ADIPOQ: variants seen among roughly 807,000 people sequenced by gnomAD.
The protein encoded by ADIPOQ is adiponectin, C1Q and collagen domain containing.
A neutral mutation model predicts 16.1 loss-of-function variants in ADIPOQ; 19 were observed. The observed-to-expected ratio is 1.18, with a 90% confidence interval of 0.82 to 1.73. The LOEUF (loss-of-function observed/expected upper bound fraction) is 1.73. Ranked by LOEUF, ADIPOQ falls within the 40% of genes most tolerant of loss-of-function variation. The pLI, the probability that ADIPOQ is intolerant of heterozygous loss-of-function variation, is 0.00. For synonymous variants in ADIPOQ, 124 were observed against 125.5 expected, an observed-to-expected ratio of 0.99 and a Z score of 0.08; for missense variants, 323 against 308.3, an observed-to-expected ratio of 1.05 and a Z score of -0.36.
At chr3:186,852,908 G>A in intron 1 of ADIPOQ, 143 bp from the exon 2 acceptor site, 1 of 786,360 alleles carries the variant, frequency 1.3e-6, no homozygotes. Flanking sequence ...ATTCAGAAAA[G>A]TCTTCCTGGA....
In ADIPOQ at chr3:186,856,078, A is replaced by T. The variant is rs911951514; in HGVS notation, c.*1374A>T. On this transcript the variant is annotated 3_prime_UTR_variant, in exon 3 of 3. Coordinates refer to ENST00000320741, the MANE Select transcript of ADIPOQ (RefSeq NM_004797.4). ...AGTTAGGGATGACTGTGATTTTCAG[A>T]ACACGTCCAGAATTTTTCATCAAGA... 3 of 152,234 alleles carry T rather than the reference A, an allele frequency of 2.0e-5. No individual in the cohort carries two copies. The highest frequency in any genetic ancestry group is 4.8e-5 in the African/African-American group (2 of 41,462). The allele number at this position is 152,234 out of a possible 1,614,324, so 9.4% of individuals were successfully genotyped here. A position where few individuals can be genotyped will look rare whatever the true frequency, so the allele number is the denominator to read the frequency against.
Position 186,856,447 on chromosome 3 carries a change from C to A in ADIPOQ, c.*1743C>A, listed in dbSNP as rs1339185380. 6.6e-6 allele frequency: 1 copy of A among 152,040 alleles called. No homozygotes were observed. The highest frequency in any genetic ancestry group is 1.5e-5 in the Non-Finnish European group (1 of 68,012). The allele number at this position is 152,040 out of a possible 1,614,324, so 9.4% of individuals were successfully genotyped here. A position where few individuals can be genotyped will look rare whatever the true frequency, so the allele number is the denominator to read the frequency against. On this transcript the variant is annotated 3_prime_UTR_variant, in exon 3 of 3. Transcript: ENST00000320741. ...ATTTTTTCCACATATAAAGCTTTGTCTTTTTGTTGTTGTTGTTGTTTTTAA... is the reference window on the plus strand; with the variant it reads ...ATTTTTTCCACATATAAAGCTTTGTATTTTTGTTGTTGTTGTTGTTTTTAA...
chr3:186,843,568 G>A (rs1711506790), intron 1 of ADIPOQ, among the ~76,000 whole-genome samples: 1 of 151,338 alleles, frequency 6.6e-6, no homozygotes, highest in Non-Finnish European at 1.5e-5. Context: ...GCTGAGGCAG[G>A]AGAATTGTCT....
chr3:186,844,511 CAAA>C (rs33955672), intron 1 of ADIPOQ, among the ~76,000 whole-genome samples: 25,023 of 122,392 alleles, frequency 0.2, 2,336 homozygotes, highest in Admixed American at 0.24. Context: ...AACTCCATCT[CAAA>C]AAAAAAAAAA....
At position 186,857,707 on chromosome 3, in the gene ADIPOQ, C is replaced by T. The variant is rs200844954; in HGVS notation, c.*3003C>T. 9 of 152,106 alleles carry T rather than the reference C, an allele frequency of 5.9e-5. No homozygotes were observed. The highest frequency in any genetic ancestry group is 2.2e-4 in the African/African-American group (9 of 41,412). 9.4% of individuals were successfully genotyped at this position (152,106 alleles called of 1,614,324 possible). On this transcript the variant is annotated 3_prime_UTR_variant, in exon 3 of 3. Coordinates refer to ENST00000320741, the MANE Select transcript of ADIPOQ (RefSeq NM_004797.4). Reference sequence around the variant, plus strand: ...TACAATTGTGGATTTGTCCAATTCTCTTTAGTTCTGTCAGCTTTTGCTTCA... The same window carrying T: ...TACAATTGTGGATTTGTCCAATTCTTTTTAGTTCTGTCAGCTTTTGCTTCA...
At chr3:186,849,018 C>G (rs822395) in intron 1 of ADIPOQ, among the ~76,000 whole-genome samples, 4 of 151,880 alleles carry the variant, frequency 2.6e-5, no homozygotes, top group African/African-American at 9.7e-5. Flanking sequence ...GTGGAGAAAT[C>G]TGTCCATAAT....
At position 186,853,123 on chromosome 3, in the gene ADIPOQ, C is replaced by T. The variant is rs201223375; in HGVS notation, c.65C>T (p.Thr22Ile). The change falls in exon 2 of 3, where the codon ACT (threonine) becomes ATT (isoleucine). Residue 22 changes from threonine to isoleucine, a missense_variant. By Grantham distance (89) the Thr-to-Ile change is moderately conservative (BLOSUM62 -1). Transcript: ENST00000320741. ...ALPGHDQETTTQGPGVLLPLP... is the reference protein window; with the variant it reads ...ALPGHDQETTIQGPGVLLPLP... The stretch of plus-strand genomic sequence containing the variant: ...CCCGGTCATGACCAGGAAACCACGA[C>T]TCAAGGGCCCGGAGTCCTGCTTCCC... 3.1e-6 allele frequency: 5 copies of T among 1,614,204 alleles called. No individual in the cohort carries two copies. The East Asian group carries it at 8.9e-5, about 29-fold the overall frequency.
At chr3:186,848,551 G>A (rs1711648470) in intron 1 of ADIPOQ, among the ~76,000 whole-genome samples, 1 of 152,086 alleles carries the variant, frequency 6.6e-6, no homozygotes, top group African/African-American at 2.4e-5. Flanking sequence ...TTCCTAATCC[G>A]CTAAACGGGA....
chr3:186,846,886 C>T (rs1022076800), intron 1 of ADIPOQ, among the ~76,000 whole-genome samples: 2 of 152,022 alleles, frequency 1.3e-5, no homozygotes, highest in African/African-American at 4.8e-5. Flanking sequence ...TTCTTGTATC[C>T]CTCACCCCAT....
At chr3:186,848,999 C>CA (rs1711661558) in intron 1 of ADIPOQ, among the ~76,000 whole-genome samples, 1 of 152,140 alleles carries the variant, frequency 6.6e-6, no homozygotes, top group Admixed American at 6.5e-5. Flanking sequence ...AGGCTGATCG[C>CA]ACCTATTAGT....
intron 1 of ADIPOQ, among the ~76,000 whole-genome samples, chr3:186,845,011 C>A (rs1435858982): frequency 1.3e-5 from 2 of 151,746 alleles, no homozygotes; most frequent in East Asian, 3.9e-4. Flanking sequence ...TGTGGTGGTG[C>A]GTGGGATGCT....
chr3:186,854,148 G>C, intron 2 of ADIPOQ, 36 bp from the exon 3 acceptor site: 1 of 1,606,036 alleles, frequency 6.2e-7, no homozygotes, highest in Non-Finnish European at 8.5e-7. Context: ...CAGGAGTTCT[G>C]TTCTTTGTAG....
In ADIPOQ at chr3:186,846,052, C is replaced by T. The variant is rs562354254; in HGVS notation, c.-9+3303C>T. Among the ~76,000 whole-genome samples, 13 of 152,052 alleles carry T rather than the reference C, an allele frequency of 8.5e-5. No individual in the cohort carries two copies. In the South Asian group the frequency reaches 2.7e-3, roughly 32 times the overall value. On this transcript the variant is annotated intron_variant, in intron 1 of 2. Transcript: ENST00000320741. ...CAGTTTCCTCATCTCTGAAGTTGGG[C>T]TCATTTCCTTCCTTCATGGAGTTAT...
In ADIPOQ at chr3:186,857,588, C is replaced by G. The variant is rs1291762476; in HGVS notation, c.*2884C>G. The G allele has an allele frequency of 6.6e-6, 1 of 152,114 alleles. No homozygotes were observed. The highest frequency in any genetic ancestry group is 6.5e-5 in the Admixed American group (1 of 15,272). The allele number at this position is 152,114 out of a possible 1,614,324, so 9.4% of individuals were successfully genotyped here. A position where few individuals can be genotyped will look rare whatever the true frequency, so the allele number is the denominator to read the frequency against. On this transcript the variant is annotated 3_prime_UTR_variant, in exon 3 of 3. Transcript: ENST00000320741. The stretch of plus-strand genomic sequence containing the variant: ...GGGGCAGGGTTATTCCTTTGTGGAA[C>G]CAGAGGCACAGAGAGAGTCAACTGA...
chr3:186,854,083 G>A, intron 2 of ADIPOQ, 101 bp from the exon 3 acceptor site: 1 of 1,288,298 alleles, frequency 7.8e-7, no homozygotes, highest in Non-Finnish European at 1.1e-6. Flanking sequence ...TATAAGTCAA[G>A]AAGGTTGTGA....
chr3:186,854,265 G>A lies in ADIPOQ; in HGVS notation c.296G>A (p.Gly99Asp). 1.9e-6 allele frequency: 3 copies of A among 1,613,926 alleles called. 1 individual carries two copies. The highest frequency in any genetic ancestry group is 8.5e-7 in the Non-Finnish European group (1 of 1,179,788). ...CCCCGAGGCTTTCCGGGAATCCAAG[G>A]CAGGAAAGGAGAACCTGGAGAAGGT... is the stretch of plus-strand genomic sequence containing the variant. Reference protein sequence around the residue: ...EGPRGFPGIQGRKGEPGEGAY... With the variant: ...EGPRGFPGIQDRKGEPGEGAY... The change falls in exon 3 of 3, where the codon GGC (glycine) becomes GAC (aspartate). Residue 99 changes from glycine to aspartate, a missense_variant. Coordinates refer to ENST00000320741, the MANE Select transcript of ADIPOQ (RefSeq NM_004797.4).
rs1560109844 is a variant in ADIPOQ at position 186,854,283 on chromosome 3, G to C, written c.314G>C (p.Gly105Ala). ...ATCCAAGGCAGGAAAGGAGAACCTGGAGAAGGTGCCTATGTATACCGCTCA... is the reference window on the plus strand; with the variant it reads ...ATCCAAGGCAGGAAAGGAGAACCTGCAGAAGGTGCCTATGTATACCGCTCA... ...PGIQGRKGEP[G>A]EGAYVYRSAF... The change falls in exon 3 of 3, where the codon GGA becomes GCA. Residue 105 changes from glycine (G) to alanine (A), a missense_variant. Transcript: ENST00000320741. 5.0e-6 allele frequency: 8 copies of C among 1,614,132 alleles called. No individual in the cohort carries two copies. The highest frequency in any genetic ancestry group is 5.9e-6 in the Non-Finnish European group (7 of 1,179,972).
chr3:186,850,521 A>C (rs1711716955), intron 1 of ADIPOQ, among the ~76,000 whole-genome samples: 1 of 152,154 alleles, frequency 6.6e-6, no homozygotes, highest in South Asian at 2.1e-4. Context: ...ACTTCTGGGA[A>C]TCTGTCATAA....
Position 186,854,765 on chromosome 3 carries a change from AG to A in ADIPOQ, c.*62del, listed in dbSNP as rs1275554485. 1.9e-6 allele frequency: 3 copies of A among 1,583,906 alleles called. No individual in the cohort carries two copies. In the African/African-American group the frequency reaches 4.0e-5, roughly 21 times the overall value. On this transcript the variant is annotated 3_prime_UTR_variant, in exon 3 of 3. Coordinates refer to ENST00000320741, the MANE Select transcript of ADIPOQ (RefSeq NM_004797.4). ...GCCCCAAAGTCAATTAAAGGCTTTC[AG>A]TACGGTTAGGAAGTTGATTATTATT...
Sources: allele counts gnomAD v4.1 joint callset (sites outside exome capture counted in the v4.1 genomes callset), GRCh38; gene constraint gnomAD v4.1.1; transcripts MANE v1.5; gene names NCBI Gene and HGNC (gene_info 2026-07-23, HGNC 2026-07-21).